ZFP91: variants seen among roughly 807,000 people sequenced by gnomAD.
ZFP91 encodes E3 ubiquitin-protein ligase ZFP91.
Under a neutral mutation model 63.5 loss-of-function variants are expected in ZFP91, and 7 were observed. The ratio of observed to expected loss-of-function variants is 0.11; its 90% CI spans 0.06 to 0.21. The LOEUF (loss-of-function observed/expected upper bound fraction) is 0.21. Among genes scored for constraint, ZFP91 ranks in the 10% least tolerant of loss-of-function variants. The pLI is 1.00. For missense variants in ZFP91, 628 were observed against 736.6 expected, an observed-to-expected ratio of 0.85 and a Z score of 1.71; for synonymous variants, 330 against 272.1, an observed-to-expected ratio of 1.21 and a Z score of -2.10.
chr11:58,584,746 C>G, intron 1 of ZFP91, 110 bp from the exon 2 acceptor site: 2 of 960,656 alleles, frequency 2.1e-6, no homozygotes, highest in Non-Finnish European at 3.0e-6. Context: ...TAGGACAACA[C>G]TAGTCTAGAT....
chr11:58,605,253 A>G (rs1413993076), intron 2 of ZFP91, among the ~76,000 whole-genome samples: 1 of 152,196 alleles, frequency 6.6e-6, no homozygotes, highest in Admixed American at 6.5e-5. Flanking sequence ...TTTGATGTCA[A>G]ATGCCCATTA....
At position 58,609,963 on chromosome 11, in the gene ZFP91, C is replaced by T. The variant is rs781085468; in HGVS notation, c.504C>T (p.Thr168=). ...SVSRHRDTEN[T]RSSRSKTGSL... The stretch of plus-strand genomic sequence containing the variant: ...CTCGCCATCGTGATACAGAGAACAC[C>T]CGAAGCTCTCGGTCCAAGACCGGTT... The change falls in exon 3 of 11, where the codon ACC becomes ACT. Residue 168 remains threonine (T), a synonymous_variant. Coordinates refer to ENST00000316059, the MANE Select transcript of ZFP91 (RefSeq NM_053023.5). The T allele has an allele frequency of 3.7e-6, 6 of 1,614,180 alleles. No homozygotes were observed. Among genetic ancestry groups the T allele is most frequent in the Non-Finnish European group, 5.1e-6 (6 of 1,180,038 alleles).
intron 9 of ZFP91, among the ~76,000 whole-genome samples, 162 bp from the exon 10 acceptor site, chr11:58,616,554 A>G (rs1288762194): frequency 6.6e-6 from 1 of 151,910 alleles, no homozygotes; most frequent in Non-Finnish European, 1.5e-5. Context: ...TTTTAAAGCA[A>G]TACTTTTCTT....
At chr11:58,591,635 T>C (rs1855307824) in intron 2 of ZFP91, among the ~76,000 whole-genome samples, 1 of 152,208 alleles carries the variant, frequency 6.6e-6, no homozygotes. Context: ...TTAATCTACT[T>C]TCTGTCTGTA....
chr11:58,610,236 G>T, intron 3 of ZFP91, 62 bp from the exon 4 acceptor site: 2 of 1,537,874 alleles, frequency 1.3e-6, no homozygotes, highest in Non-Finnish European at 1.8e-6. Flanking sequence ...TTTCTTGACT[G>T]CAGAGAGAAA....
chr11:58,603,491 C>A (rs906041794), intron 2 of ZFP91, among the ~76,000 whole-genome samples: 1 of 152,204 alleles, frequency 6.6e-6, no homozygotes, highest in Non-Finnish European at 1.5e-5. Context: ...GGAGGACTCT[C>A]ATTTGGTGGC....
intron 7 of ZFP91, 109 bp downstream of exon 7, chr11:58,612,437 CACAAAAGCAACTTCACTAA>C: frequency 8.9e-7 from 1 of 1,117,508 alleles, no homozygotes; most frequent in South Asian, 1.5e-5. Flanking sequence ...TTAAAAATTT[CACAAAAGCAACTTCACTAA>C]TGTCCTAGAT....
chr11:58,610,910 C>G (rs1855649717), intron 4 of ZFP91, 40 bp from the exon 5 acceptor site: 3 of 1,585,112 alleles, frequency 1.9e-6, no homozygotes, highest in Non-Finnish European at 2.6e-6. Flanking sequence ...GACATGTTCG[C>G]TACAACCAGA....
rs895807560 is a variant in ZFP91, at chr11:58,598,870, T to G, written c.371-10960T>G. ...TCAGTGACATTTGGTACATTTACAG[T>G]GTTGTACAACCATCACTTCTATCTA... On this transcript the variant is annotated intron_variant, in intron 2 of 10. Transcript: ENST00000316059. Among the ~76,000 whole-genome samples, 10 of 152,034 alleles carry G rather than the reference T, an allele frequency of 6.6e-5. No individual in the cohort carries two copies. The East Asian group carries it at 7.7e-4, about 12-fold the overall frequency.
chr11:58,583,797 T>C (rs1855158254), intron 1 of ZFP91, among the ~76,000 whole-genome samples: 1 of 152,106 alleles, frequency 6.6e-6, no homozygotes, highest in South Asian at 2.1e-4. Context: ...GTGATAACTA[T>C]TGTTTCTAAG....
In ZFP91 at chr11:58,614,372, G is replaced by GT. The variant is rs778314654; in HGVS notation, c.1102+30dup. 2.3e-5 allele frequency: 34 copies of GT among 1,499,600 alleles called. No homozygotes were observed. In the South Asian group the frequency reaches 3.8e-4, roughly 17 times the overall value. 92.9% of individuals were successfully genotyped at this position (1,499,600 alleles called of 1,614,324 possible). On this transcript the variant is annotated intron_variant, in intron 9 of 10. Transcript: ENST00000316059. ...CTTTTAAAATGTGTTTATCAAGTAGGTAATTGCACTGTGCTTTAGTTTTGC... is the reference window on the plus strand; with the variant it reads ...CTTTTAAAATGTGTTTATCAAGTAGGTTAATTGCACTGTGCTTTAGTTTTGC...
At chr11:58,584,745 ACTAGT>A in intron 1 of ZFP91, 106 bp from the exon 2 acceptor site, 1 of 951,330 alleles carries the variant, frequency 1.1e-6, no homozygotes, top group Non-Finnish European at 1.5e-6. Context: ...GTAGGACAAC[ACTAGT>A]CTAGATGCTT....
At chr11:58,579,878 G>A (rs990337623) in intron 1 of ZFP91, among the ~76,000 whole-genome samples, 2 of 151,980 alleles carry the variant, frequency 1.3e-5, no homozygotes, top group African/African-American at 2.4e-5. Flanking sequence ...CCCTGCACTC[G>A]CTAGTGATCC....
chr11:58,581,527 AT>A, intron 1 of ZFP91, among the ~76,000 whole-genome samples: 1 of 152,206 alleles, frequency 6.6e-6, no homozygotes, highest in Non-Finnish European at 1.5e-5. Flanking sequence ...ATCCCAGCTA[AT>A]TTTTGTAATT....
chr11:58,610,215 TTTGATTTGC>T, intron 3 of ZFP91, 74 bp from the exon 4 acceptor site: 1 of 1,489,350 alleles, frequency 6.7e-7, no homozygotes, highest in Non-Finnish European at 9.2e-7. Context: ...CATGCAGTAA[TTTGATTTGC>T]ATTTCTTGAC....
In ZFP91 at chr11:58,616,642, C is replaced by T. The variant is rs1187372869; in HGVS notation, c.1103-74C>T. The T allele has an allele frequency of 1.8e-5, 22 of 1,252,552 alleles. No homozygotes were observed. The African/African-American group carries it at 3.0e-4, about 17-fold the overall frequency. The allele number at this position is 1,252,552 out of a possible 1,614,324, so 77.6% of individuals were successfully genotyped here. Reference sequence around the variant, plus strand: ...TACTCTAAATTGCCTGCCCCATCATCTGCTTACTTACTGTAAGGGAAAATA... The same window carrying T: ...TACTCTAAATTGCCTGCCCCATCATTTGCTTACTTACTGTAAGGGAAAATA... On this transcript the variant is annotated intron_variant, in intron 9 of 10. Transcript: ENST00000316059.
At chr11:58,593,472 T>G (rs1855343736) in intron 2 of ZFP91, among the ~76,000 whole-genome samples, 1 of 152,210 alleles carries the variant, frequency 6.6e-6, no homozygotes, top group Non-Finnish European at 1.5e-5. Flanking sequence ...AGAACAAGAT[T>G]GTACTGTGGT....
intron 5 of ZFP91, 94 bp downstream of exon 5, chr11:58,611,148 G>A (rs1855654923): frequency 9.6e-7 from 1 of 1,038,104 alleles, no homozygotes; most frequent in Non-Finnish European, 1.4e-6. Context: ...AAGCTAATGG[G>A]TATAGAATTA....
chr11:58,600,967 A>G (rs1015597592), intron 2 of ZFP91, among the ~76,000 whole-genome samples: 10 of 152,166 alleles, frequency 6.6e-5, no homozygotes, highest in Admixed American at 2.6e-4. Context: ...GTTTTTGTAT[A>G]TCGAACCACC....
Sources: gnomAD v4.1 joint callset for allele counts (sites outside exome capture counted in the v4.1 genomes callset) on GRCh38, gnomAD v4.1.1 for gene constraint, MANE v1.5 for transcripts, NCBI Gene and HGNC (gene_info 2026-07-23, HGNC 2026-07-21) for gene names.